CARF: variants seen among roughly 807,000 people sequenced by gnomAD.
CARF encodes the protein calcium responsive transcription factor, also known as calcium-responsive transcription factor.
In CARF, 57 loss-of-function variants were observed where a neutral mutation model predicts 82.0. That is an observed-to-expected ratio of 0.70 (90% CI 0.56 to 0.87). CARF has a LOEUF of 0.87. Ranked by LOEUF, CARF falls within the 40% of genes least tolerant of loss-of-function variation. The pLI is 0.00. For synonymous variants in CARF, 268 were observed against 290.1 expected, an observed-to-expected ratio of 0.92 and a Z score of 0.77; for missense variants, 771 against 855.8, an observed-to-expected ratio of 0.90 and a Z score of 1.24.
chr2:202,974,636 T>G, intron 13 of CARF, 140 bp downstream of exon 13: 5 of 743,506 alleles, frequency 6.7e-6, no homozygotes, highest in Non-Finnish European at 1.0e-5. Context: ...TGGTGGCTCA[T>G]GCCTGTAATC....
At chr2:202,969,057 TG>T in intron 10 of CARF, among the ~76,000 whole-genome samples, 1 of 152,016 alleles carries the variant, frequency 6.6e-6, no homozygotes, top group East Asian at 1.9e-4. Flanking sequence ...TGGGAGGCTG[TG>T]GTGGGCGGAT....
chr2:202,920,533 AT>A (rs940715199), intron 2 of CARF, among the ~76,000 whole-genome samples: 1 of 152,098 alleles, frequency 6.6e-6, no homozygotes, highest in African/African-American at 2.4e-5. Flanking sequence ...ATATTAAGAA[AT>A]TTTTTTGATC....
At chr2:202,959,693 C>G (rs1264925063) in intron 8 of CARF, among the ~76,000 whole-genome samples, 2 of 151,954 alleles carry the variant, frequency 1.3e-5, no homozygotes, top group Non-Finnish European at 2.9e-5. Flanking sequence ...CCTGTAATCC[C>G]AGCTACTTGG....
chr2:202,929,419 A>G (rs1692465866), intron 3 of CARF, among the ~76,000 whole-genome samples: 1 of 152,174 alleles, frequency 6.6e-6, no homozygotes, highest in African/African-American at 2.4e-5. Context: ...CAGTTTTCCC[A>G]GGACCTTTTA....
intron 3 of CARF, among the ~76,000 whole-genome samples, chr2:202,937,549 G>T (rs1312358515): frequency 6.6e-6 from 1 of 151,826 alleles, no homozygotes; most frequent in Non-Finnish European, 1.5e-5. Flanking sequence ...TTTATATTTG[G>T]TGTATATTTT....
At chr2:202,922,416 T>C (rs985831713) in intron 2 of CARF, among the ~76,000 whole-genome samples, 3 of 152,136 alleles carry the variant, frequency 2.0e-5, no homozygotes, top group African/African-American at 7.2e-5. Context: ...CAGCCTGGCC[T>C]GGAACAAGAA....
chr2:202,947,662 A>G (rs1280575464), intron 5 of CARF, among the ~76,000 whole-genome samples: 1 of 152,106 alleles, frequency 6.6e-6, no homozygotes, highest in African/African-American at 2.4e-5. Flanking sequence ...AAAAAACCAG[A>G]AATGTCTGTT....
chr2:202,983,981 A>C lies in CARF; in HGVS notation c.*357A>C, dbSNP rs904626992. On this transcript the variant is annotated 3_prime_UTR_variant, in exon 17 of 17. Transcript: ENST00000438828. ...TTACAAAACAGAAAAGAACAACAGC[A>C]ACAAAAACATTGTGTGAATGTATGT... 1 of 175,566 alleles carries C rather than the reference A, an allele frequency of 5.7e-6. No individual in the cohort carries two copies. Among genetic ancestry groups the C allele is most frequent in the African/African-American group, 2.4e-5 (1 of 41,924 alleles). 10.9% of individuals were successfully genotyped at this position (175,566 alleles called of 1,614,324 possible).
chr2:202,919,973 A>C (rs1051047758), intron 2 of CARF, among the ~76,000 whole-genome samples: 15 of 152,174 alleles, frequency 9.9e-5, no homozygotes, highest in Admixed American at 2.0e-4. Context: ...TAAATGCTCA[A>C]TAAATGATAA....
At chr2:202,953,360 C>CT (rs947873387) in intron 6 of CARF, among the ~76,000 whole-genome samples, 50 of 146,076 alleles carry the variant, frequency 3.4e-4, no homozygotes, top group East Asian at 1.8e-3. Context: ...TGACTCATTA[C>CT]TTTTTTTTTT....
chr2:202,959,796 T>A (rs1220385952), intron 8 of CARF, among the ~76,000 whole-genome samples: 6 of 139,630 alleles, frequency 4.3e-5, no homozygotes, highest in African/African-American at 1.6e-4. Context: ...GCAACAAGAG[T>A]GAAACTCCAT....
rs547208049 is a variant in CARF at position 202,949,194 on chromosome 2, C to T, written c.307-3365C>T. Among the ~76,000 whole-genome samples, 4 of 152,010 alleles carry T rather than the reference C, an allele frequency of 2.6e-5. No homozygotes were observed. The East Asian group carries it at 7.8e-4, about 29-fold the overall frequency. On this transcript the variant is annotated intron_variant, in intron 5 of 16. Coordinates refer to ENST00000438828, the MANE Select transcript of CARF (RefSeq NM_024744.17). ...ACTAAAAATATGAAAATTAGCCAGG[C>T]ATGGTGGTGCATACCTGTAATGCCA...
intron 3 of CARF, among the ~76,000 whole-genome samples, chr2:202,927,932 A>G (rs1692169125): frequency 6.6e-6 from 1 of 151,798 alleles, no homozygotes; most frequent in Non-Finnish European, 1.5e-5. Flanking sequence ...CTGAGTAGCT[A>G]GGACTACGGG....
intron 2 of CARF, among the ~76,000 whole-genome samples, chr2:202,918,517 C>T (rs1158993174): frequency 6.6e-6 from 1 of 151,710 alleles, no homozygotes; most frequent in Non-Finnish European, 1.5e-5. Flanking sequence ...GGTGATAGAG[C>T]AAGACTCCGT....
At chr2:202,922,289 A>AT (rs1056576468) in intron 2 of CARF, among the ~76,000 whole-genome samples, 4 of 151,668 alleles carry the variant, frequency 2.6e-5, no homozygotes, top group African/African-American at 9.7e-5. Context: ...ATTTTTAAAA[A>AT]TTTTTTTGTA....
chr2:202,917,702 T>A (rs1488532139), intron 1 of CARF, among the ~76,000 whole-genome samples, 175 bp from the exon 2 acceptor site: 1 of 152,208 alleles, frequency 6.6e-6, no homozygotes, highest in Admixed American at 6.5e-5. Flanking sequence ...CCAAGATACA[T>A]GTAGTTACCT....
chr2:202,925,042 A>G, intron 3 of CARF: 2 of 412,746 alleles, frequency 4.8e-6, no homozygotes, highest in Admixed American at 2.5e-5. Flanking sequence ...AGCTTGGAGC[A>G]ACATGGACAG....
At chr2:202,931,594 A>G (rs1346675232) in intron 3 of CARF, among the ~76,000 whole-genome samples, 1 of 152,154 alleles carries the variant, frequency 6.6e-6, no homozygotes, top group Admixed American at 6.5e-5. Context: ...AACTTTCTAG[A>G]GTAGCTTTGT....
intron 8 of CARF, among the ~76,000 whole-genome samples, chr2:202,956,286 C>T (rs1432705653): frequency 6.6e-6 from 1 of 151,998 alleles, no homozygotes; most frequent in African/African-American, 2.4e-5. Flanking sequence ...GACAGAGTCT[C>T]CCTCTGTCCC....
Sources: gnomAD v4.1 joint callset for allele counts (sites outside exome capture counted in the v4.1 genomes callset) on GRCh38, gnomAD v4.1.1 for gene constraint, MANE v1.5 for transcripts, NCBI Gene and HGNC (gene_info 2026-07-23, HGNC 2026-07-21) for gene names.